Variants in PUS7 observed in about 807,000 individuals in gnomAD.
PUS7 encodes the protein pseudouridine synthase 7.
PUS7 carries 48 observed loss-of-function variants against 79.8 expected under a neutral mutation model. The ratio of observed to expected loss-of-function variants is 0.60; its 90% CI spans 0.48 to 0.76. The LOEUF is 0.76. Ranked by LOEUF, PUS7 falls within the 30% of genes least tolerant of loss-of-function variation. PUS7 has a pLI of 0.00. For missense variants in PUS7, 729 were observed against 797.6 expected (o/e 0.91, Z 1.04); for synonymous variants, 286 against 272.2 (o/e 1.05, Z -0.50).
chr7:105,477,287 G>A (rs907511644), intron 9 of PUS7, among the ~76,000 whole-genome samples: 6 of 151,534 alleles, frequency 4.0e-5, no homozygotes, highest in Non-Finnish European at 5.9e-5. Flanking sequence ...TCACTCTGTC[G>A]CCCAGGCTGG....
chr7:105,484,855 A>ATT (rs1172322541), intron 7 of PUS7, among the ~76,000 whole-genome samples: 20 of 116,844 alleles, frequency 1.7e-4, no homozygotes, highest in East Asian at 5.5e-4. Context: ...CCAGTCAGAG[A>ATT]TTTTTTTTTT....
rs916775904 is a variant in PUS7, at chr7:105,481,067, G to A, written c.1160C>T (p.Thr387Met). 1.4e-5 allele frequency: 22 copies of A among 1,610,020 alleles called. No homozygotes were observed. The highest frequency in any genetic ancestry group is 1.9e-5 in the Non-Finnish European group (22 of 1,178,156). ...AAATACCAACCTTCCAACCTGATACGTAGGGACAGCTGTGGTTCCAAATCT... is the reference window on the plus strand; with the variant it reads ...AAATACCAACCTTCCAACCTGATACATAGGGACAGCTGTGGTTCCAAATCT... ...MQRFGTTAVP[T>M]YQVGRAILQN... The change falls in exon 9 of 16, where the codon ACG (threonine) becomes ATG (methionine). Residue 387 changes from threonine to methionine, a missense_variant. Thr to Met is a moderately conservative substitution (Grantham distance 81). Transcript: ENST00000469408.
At chr7:105,476,834 G>A (rs1033011565) in intron 9 of PUS7, among the ~76,000 whole-genome samples, 10 of 152,218 alleles carry the variant, frequency 6.6e-5, no homozygotes, top group South Asian at 2.1e-4. Flanking sequence ...TGGTGGTTTC[G>A]ATTTGTATCT....
At chr7:105,491,119 A>G (rs1030228946) in intron 7 of PUS7, among the ~76,000 whole-genome samples, 3 of 152,210 alleles carry the variant, frequency 2.0e-5, no homozygotes, top group African/African-American at 4.8e-5. Flanking sequence ...CATCCAAAGT[A>G]TATCTCTATT....
At chr7:105,491,714 A>G (rs905348792) in intron 6 of PUS7, 97 bp from the exon 7 acceptor site, 2 of 702,182 alleles carry the variant, frequency 2.8e-6, no homozygotes. Flanking sequence ...AAACATACTT[A>G]CAATCATAAC....
chr7:105,519,754 G>A (rs901613142), intron 1 of PUS7, among the ~76,000 whole-genome samples: 1 of 152,172 alleles, frequency 6.6e-6, no homozygotes, highest in East Asian at 1.9e-4. Flanking sequence ...GAGCTCCAAA[G>A]AATTAAAACA....
At chr7:105,512,131 A>G (rs711432) in intron 1 of PUS7, among the ~76,000 whole-genome samples, 43,323 of 131,662 alleles carry the variant, frequency 0.33, 8,091 homozygotes, top group African/African-American at 0.52. Context: ...GGTGACAGAG[A>G]GAGATTCTGT....
intron 2 of PUS7, among the ~76,000 whole-genome samples, chr7:105,506,906 A>C (rs529312500): frequency 6.6e-6 from 1 of 152,210 alleles, no homozygotes; most frequent in Non-Finnish European, 1.5e-5. Context: ...AATATGCTAT[A>C]TGGTTAATTG....
At chr7:105,507,285 A>G (rs1343233333) in intron 2 of PUS7, among the ~76,000 whole-genome samples, 2 of 152,022 alleles carry the variant, frequency 1.3e-5, no homozygotes, top group African/African-American at 4.8e-5. Flanking sequence ...ACCTCAAGTG[A>G]TCTGCCCGCC....
At chr7:105,493,810 T>C (rs1425461859) in intron 6 of PUS7, among the ~76,000 whole-genome samples, 1 of 152,186 alleles carries the variant, frequency 6.6e-6, no homozygotes, top group Non-Finnish European at 1.5e-5. Context: ...AAAAACAAAC[T>C]TGCCGACACC....
chr7:105,489,414 G>T (rs965620080), intron 7 of PUS7, among the ~76,000 whole-genome samples: 1 of 151,812 alleles, frequency 6.6e-6, no homozygotes, highest in East Asian at 1.9e-4. Flanking sequence ...ACCCACAAAG[G>T]TTATTTCAAA....
chr7:105,504,140 G>A (rs1198930800), intron 4 of PUS7, among the ~76,000 whole-genome samples: 1 of 134,530 alleles, frequency 7.4e-6, no homozygotes, highest in Non-Finnish European at 1.6e-5. Flanking sequence ...CACGATCTCG[G>A]CTCACTGCAA....
intron 13 of PUS7, 52 bp from the exon 14 acceptor site, chr7:105,462,802 T>C (rs747807623): frequency 1.9e-6 from 3 of 1,544,150 alleles, no homozygotes; most frequent in Admixed American, 3.5e-5. Flanking sequence ...AGTCAAGTTA[T>C]CCTGAACTAG....
chr7:105,473,541 C>A (rs1038190627), intron 9 of PUS7, among the ~76,000 whole-genome samples: 6 of 151,966 alleles, frequency 3.9e-5, no homozygotes, highest in African/African-American at 1.5e-4. Context: ...GCCTCAGTCT[C>A]CCAAATAGCT....
chr7:105,459,984 G>C (rs989640503), intron 14 of PUS7, among the ~76,000 whole-genome samples: 4 of 152,096 alleles, frequency 2.6e-5, no homozygotes, highest in Non-Finnish European at 5.9e-5. Context: ...TGTCGCCCAG[G>C]CTGGAGTGTA....
At chr7:105,474,612 C>CAAAAAAA (rs10540161) in intron 9 of PUS7, among the ~76,000 whole-genome samples, 1 of 126,426 alleles carries the variant, frequency 7.9e-6, no homozygotes, top group Non-Finnish European at 1.7e-5. Flanking sequence ...ACTAAAAATA[C>CAAAAAAA]AAAAAAAAAA....
intron 1 of PUS7, among the ~76,000 whole-genome samples, chr7:105,519,875 G>C (rs1826036569): frequency 6.6e-6 from 1 of 152,206 alleles, no homozygotes. Context: ...TGTGTGAGGA[G>C]AGCTCCAGGC....
intron 1 of PUS7, among the ~76,000 whole-genome samples, chr7:105,516,650 C>T (rs1562825275): frequency 6.6e-6 from 1 of 151,972 alleles, no homozygotes; most frequent in Admixed American, 6.6e-5. Context: ...GACGGAGTTT[C>T]ACCATGTTGG....
At chr7:105,459,637 T>TATGTTG (rs2133023351) in intron 14 of PUS7, among the ~76,000 whole-genome samples, 1 of 151,550 alleles carries the variant, frequency 6.6e-6, no homozygotes, top group African/African-American at 2.4e-5. Flanking sequence ...GGGGTTTCAC[T>TATGTTG]ATGTTGGCCA....
Sources: gnomAD v4.1 joint callset for allele counts (sites outside exome capture counted in the v4.1 genomes callset) on GRCh38, gnomAD v4.1.1 for gene constraint, MANE v1.5 for transcripts, NCBI Gene and HGNC (gene_info 2026-07-23, HGNC 2026-07-21) for gene names.